CTNNA2: variants seen among roughly 807,000 people sequenced by gnomAD.
The protein encoded by CTNNA2 is catenin alpha-2.
CTNNA2 carries 42 observed loss-of-function variants against 101.0 expected under a neutral mutation model. The observed-to-expected ratio is 0.42, with a 90% CI of 0.32 to 0.54. CTNNA2 has a LOEUF of 0.54. CTNNA2 is among the 20% of genes least tolerant of loss of function. The pLI is 0.14. For missense variants in CTNNA2, 871 were observed against 1,223.1 expected, an observed-to-expected ratio of 0.71 and a Z score of 4.29; for synonymous variants, 450 against 456.4, an observed-to-expected ratio of 0.99 and a Z score of 0.18.
chr2:80,124,574 C>A (rs1451091081), intron 7 of CTNNA2, among the ~76,000 whole-genome samples: 1 of 152,034 alleles, frequency 6.6e-6, no homozygotes, highest in African/African-American at 2.4e-5. Context: ...TAAATATTTT[C>A]TCGTATATAG....
At chr2:80,386,089 G>A (rs1676968802) in intron 7 of CTNNA2, among the ~76,000 whole-genome samples, 2 of 152,226 alleles carry the variant, frequency 1.3e-5, no homozygotes, top group Non-Finnish European at 2.9e-5. Context: ...TATCGGATAG[G>A]GCCTGGTAGT....
At chr2:80,441,368 C>G (rs1682556382) in intron 9 of CTNNA2, among the ~76,000 whole-genome samples, 1 of 152,054 alleles carries the variant, frequency 6.6e-6, no homozygotes, top group Non-Finnish European at 1.5e-5. Context: ...AGGAGTAGGG[C>G]AGGACCAATT....
intron 3 of CTNNA2, among the ~76,000 whole-genome samples, chr2:79,350,984 T>C (rs1455930958): frequency 1.3e-5 from 2 of 152,232 alleles, no homozygotes; most frequent in East Asian, 3.8e-4. Context: ...TTAATGTTTT[T>C]GTTTGTTTGT....
chr2:80,083,516 C>T (rs1376945390), intron 7 of CTNNA2, among the ~76,000 whole-genome samples: 2 of 151,972 alleles, frequency 1.3e-5, no homozygotes, highest in African/African-American at 2.4e-5. Context: ...TACGCATCTC[C>T]AGTCAAATTG....
At chr2:79,710,163 T>A (rs1322110915) in intron 2 of CTNNA2, among the ~76,000 whole-genome samples, 1 of 152,004 alleles carries the variant, frequency 6.6e-6, no homozygotes, top group East Asian at 1.9e-4. Context: ...AGCTTCTGCC[T>A]GATTAATTCT....
intron 3 of CTNNA2, among the ~76,000 whole-genome samples, chr2:79,771,355 T>A (rs1673563115): frequency 6.6e-6 from 1 of 152,158 alleles, no homozygotes; most frequent in African/African-American, 2.4e-5. Flanking sequence ...TGGAAGATAG[T>A]TTTTCCTCAG....
At chr2:80,224,627 G>T (rs1007824569) in intron 7 of CTNNA2, among the ~76,000 whole-genome samples, 1 of 151,892 alleles carries the variant, frequency 6.6e-6, no homozygotes, top group African/African-American at 2.4e-5. Flanking sequence ...TGTATTTTTA[G>T]TAGAGACAGG....
At chr2:80,119,596 C>T (rs982554401) in intron 7 of CTNNA2, among the ~76,000 whole-genome samples, 1 of 152,110 alleles carries the variant, frequency 6.6e-6, no homozygotes. Context: ...TGTCAGCTGG[C>T]ATTTATAAAT....
At chr2:79,452,395 C>G (rs536170913) in intron 4 of CTNNA2, among the ~76,000 whole-genome samples, 2 of 151,878 alleles carry the variant, frequency 1.3e-5, no homozygotes, top group Admixed American at 1.3e-4. Flanking sequence ...AGAAATGCCA[C>G]AGATGAAAGT....
At chr2:80,553,240 TAA>T (rs1558579680) in intron 11 of CTNNA2, among the ~76,000 whole-genome samples, 4 of 144,996 alleles carry the variant, frequency 2.8e-5, no homozygotes, top group Middle Eastern at 3.6e-3. Flanking sequence ...AAAAATAAAA[TAA>T]AATAAAATAA....
intron 4 of CTNNA2, among the ~76,000 whole-genome samples, chr2:79,461,653 G>T (rs410120): frequency 1.3e-5 from 2 of 151,828 alleles, no homozygotes; most frequent in Non-Finnish European, 2.9e-5. Flanking sequence ...GGGCCATCAC[G>T]CCTATCTAAG....
intron 7 of CTNNA2, among the ~76,000 whole-genome samples, chr2:80,051,136 G>A (rs971583530): frequency 2.0e-5 from 3 of 152,204 alleles, no homozygotes; most frequent in African/African-American, 7.2e-5. Flanking sequence ...ATTTTGTAAA[G>A]AGTGCCAACT....
At chr2:80,606,395 CA>C (rs1698013499) in intron 16 of CTNNA2, among the ~76,000 whole-genome samples, 1 of 120,752 alleles carries the variant, frequency 8.3e-6, no homozygotes, top group East Asian at 2.4e-4. Flanking sequence ...CACACACACA[CA>C]CACACACACA....
At chr2:80,124,529 G>A (rs1321405785) in intron 7 of CTNNA2, among the ~76,000 whole-genome samples, 1 of 152,048 alleles carries the variant, frequency 6.6e-6, no homozygotes, top group Non-Finnish European at 1.5e-5. Flanking sequence ...CTCTCTATTA[G>A]AATATATCCT....
chr2:79,276,514 A>C (rs1240524793), intron 2 of CTNNA2, among the ~76,000 whole-genome samples: 4 of 152,080 alleles, frequency 2.6e-5, no homozygotes, highest in Non-Finnish European at 5.9e-5. Flanking sequence ...TTGTTACCTG[A>C]AGTCTATTTT....
At chr2:80,291,389 C>T (rs1675223713) in intron 7 of CTNNA2, among the ~76,000 whole-genome samples, 1 of 152,194 alleles carries the variant, frequency 6.6e-6, no homozygotes, top group African/African-American at 2.4e-5. Flanking sequence ...AACCAACTTG[C>T]TCAAGGGCCA....
At chr2:80,583,045 C>T (rs216622) in intron 14 of CTNNA2, among the ~76,000 whole-genome samples, 4 of 151,812 alleles carry the variant, frequency 2.6e-5, no homozygotes, top group African/African-American at 4.8e-5. Context: ...AAAGACAAAG[C>T]CTTTGATTTC....
intron 7 of CTNNA2, among the ~76,000 whole-genome samples, chr2:80,242,377 C>A (rs988299872): frequency 6.6e-6 from 1 of 152,190 alleles, no homozygotes; most frequent in Admixed American, 6.5e-5. Flanking sequence ...AAATTTTAAT[C>A]TATGACAACC....
At chr2:79,886,256 G>A (rs1683851172) in intron 6 of CTNNA2, among the ~76,000 whole-genome samples, 1 of 152,136 alleles carries the variant, frequency 6.6e-6, no homozygotes, top group South Asian at 2.1e-4. Flanking sequence ...GTGAATGAGA[G>A]TATTTCTCAG....
Sources: gnomAD v4.1 joint callset for allele counts (sites outside exome capture counted in the v4.1 genomes callset) on GRCh38, gnomAD v4.1.1 for gene constraint, MANE v1.5 for transcripts, NCBI Gene and HGNC (gene_info 2026-07-23, HGNC 2026-07-21) for gene names.